The following RPS6KA2 variants were observed in gnomAD, a reference collection of about 807,000 sequenced individuals.
RPS6KA2 encodes the protein ribosomal protein S6 kinase A2.
In RPS6KA2, 42 loss-of-function variants were observed where a neutral mutation model predicts 91.8. The ratio of observed to expected loss-of-function variants is 0.46; its 90% CI spans 0.36 to 0.59. The LOEUF (loss-of-function observed/expected upper bound fraction) is 0.59. Ranked by LOEUF, RPS6KA2 falls within the 20% of genes least tolerant of loss-of-function variation. The probability of loss-of-function intolerance (pLI) is 0.00; values close to 1 mark genes in which losing one functional copy is unlikely to be tolerated. For missense variants in RPS6KA2, 798 were observed against 978.5 expected, an observed-to-expected ratio of 0.82 and a Z score of 2.46; for synonymous variants, 414 against 393.6, an observed-to-expected ratio of 1.05 and a Z score of -0.61.
At chr6:166,607,648 T>G (rs1165295188) in intron 1 of RPS6KA2, among the ~76,000 whole-genome samples, 1 of 152,180 alleles carries the variant, frequency 6.6e-6, no homozygotes, top group Non-Finnish European at 1.5e-5. Context: ...GGTTCTGTTC[T>G]GAAGGACGAA....
At chr6:166,582,424 C>T (rs960444370) in intron 1 of RPS6KA2, among the ~76,000 whole-genome samples, 13 of 152,300 alleles carry the variant, frequency 8.5e-5, no homozygotes, top group African/African-American at 2.6e-4. Context: ...TAACCCATCA[C>T]GCTGACTGTT....
chr6:166,801,896 C>A (rs7754623), intron 2 of RPS6KA2, among the ~76,000 whole-genome samples: 30,462 of 151,786 alleles, frequency 0.2, 4,239 homozygotes, highest in African/African-American at 0.4. Flanking sequence ...GAAGGAAAGT[C>A]TTTAACAGTG....
chr6:166,585,111 C>T (rs796601443), intron 1 of RPS6KA2, among the ~76,000 whole-genome samples: 6 of 152,096 alleles, frequency 3.9e-5, no homozygotes, highest in Admixed American at 1.3e-4. Flanking sequence ...GCAGGAAGCT[C>T]GAGTTTCAAA....
chr6:166,449,866 C>A (rs1172559082), intron 13 of RPS6KA2, among the ~76,000 whole-genome samples: 68 of 69,040 alleles, frequency 9.8e-4, no homozygotes, highest in Middle Eastern at 0.012. Context: ...ACCATGGGAA[C>A]CACCACGCGG....
At chr6:166,853,218 C>T (rs75459240) in intron 2 of RPS6KA2, among the ~76,000 whole-genome samples, 1 of 152,162 alleles carries the variant, frequency 6.6e-6, no homozygotes. Context: ...GCGAGAGGAT[C>T]GTTTGAGTTC....
chr6:166,515,234 C>A (rs1229413656), intron 3 of RPS6KA2, among the ~76,000 whole-genome samples: 2 of 152,128 alleles, frequency 1.3e-5, no homozygotes, highest in Non-Finnish European at 2.9e-5. Context: ...TCAAGACAGT[C>A]CACCAGGTGG....
intron 1 of RPS6KA2, among the ~76,000 whole-genome samples, chr6:166,560,152 C>T (rs1194132373): frequency 6.6e-6 from 1 of 152,202 alleles, no homozygotes; most frequent in Non-Finnish European, 1.5e-5. Flanking sequence ...ACCTACTGCT[C>T]ATAGGCCATG....
At chr6:166,560,395 G>C (rs1784309088) in intron 1 of RPS6KA2, among the ~76,000 whole-genome samples, 1 of 152,186 alleles carries the variant, frequency 6.6e-6, no homozygotes, top group Admixed American at 6.5e-5. Flanking sequence ...AATGAAGGCA[G>C]ACATGAAGAT....
chr6:166,747,646 G>C (rs1487277732), intron 2 of RPS6KA2, among the ~76,000 whole-genome samples: 2 of 152,174 alleles, frequency 1.3e-5, no homozygotes. Flanking sequence ...GGGATACTGA[G>C]TGAGGAAAAC....
intron 2 of RPS6KA2, among the ~76,000 whole-genome samples, chr6:166,692,335 C>G (rs1789231922): frequency 6.6e-6 from 1 of 152,140 alleles, no homozygotes; most frequent in Admixed American, 6.6e-5. Flanking sequence ...AAATCGCCCC[C>G]TACTGAATAT....
At chr6:166,706,474 T>C (rs541921753) in intron 2 of RPS6KA2, among the ~76,000 whole-genome samples, 1 of 152,322 alleles carries the variant, frequency 6.6e-6, no homozygotes, top group East Asian at 1.9e-4. Flanking sequence ...AACCAAGAGT[T>C]GGTGAGCGTG....
chr6:166,657,957 C>T (rs1333658332), intron 2 of RPS6KA2, among the ~76,000 whole-genome samples: 1 of 152,168 alleles, frequency 6.6e-6, no homozygotes, highest in Non-Finnish European at 1.5e-5. Flanking sequence ...GATCTCGGCT[C>T]ACCGCAACTT....
intron 2 of RPS6KA2, among the ~76,000 whole-genome samples, chr6:166,820,766 A>T (rs1294938586): frequency 6.6e-6 from 1 of 152,218 alleles, no homozygotes; most frequent in Non-Finnish European, 1.5e-5. Flanking sequence ...TGCTCATTAC[A>T]TTTTAAACTG....
rs545646300 is a variant in RPS6KA2 at position 166,737,735 on chromosome 6, G to A, written c.123+120465C>T. On this transcript the variant is annotated intron_variant, in intron 2 of 21. Transcript: ENST00000503859. The surrounding 1 kb of genome is among the most constrained non-coding windows in gnomAD (Gnocchi z 4.3). ...TGATGCTATAAAGGACTCTGGTGAC[G>A]GTTCTGAACTTGACAAATGCCGTAC... is the stretch of plus-strand genomic sequence containing the variant. 9.7e-4 allele frequency among the ~76,000 whole-genome samples: 148 copies of A among 152,228 alleles called. No homozygotes were observed. The highest frequency in any genetic ancestry group is 3.4e-3 in the African/African-American group (141 of 41,534).
intron 2 of RPS6KA2, among the ~76,000 whole-genome samples, chr6:166,736,050 A>T (rs2128590697): frequency 1.3e-5 from 2 of 152,376 alleles, no homozygotes; most frequent in East Asian, 3.8e-4. Flanking sequence ...CCCCTCGACC[A>T]ATGCAGAACA....
intron 11 of RPS6KA2, among the ~76,000 whole-genome samples, chr6:166,461,519 AT>A (rs1362304393): frequency 3.7e-4 from 20 of 54,138 alleles, no homozygotes; most frequent in Admixed American, 5.6e-4. Flanking sequence ...AGAGAGAGAG[AT>A]GGGGAGAGAT....
At chr6:166,668,674 T>C (rs1788387127) in intron 2 of RPS6KA2, among the ~76,000 whole-genome samples, 1 of 152,116 alleles carries the variant, frequency 6.6e-6, no homozygotes, top group Admixed American at 6.5e-5. Context: ...TGGGAGCCTC[T>C]CTGAAGAGGC....
intron 1 of RPS6KA2, chr6:166,586,504 G>A: frequency 1.3e-6 from 2 of 1,582,438 alleles, no homozygotes; most frequent in South Asian, 1.1e-5. Context: ...GTTTGAGGCA[G>A]CTGTATTGCT....
intron 2 of RPS6KA2, among the ~76,000 whole-genome samples, chr6:166,646,927 A>T (rs1445707017): frequency 6.6e-6 from 1 of 150,662 alleles, no homozygotes; most frequent in Non-Finnish European, 1.5e-5. Context: ...TTCGGCCGCC[A>T]CTCCTCCCTC....
Sources: gnomAD v4.1 joint callset for allele counts (sites outside exome capture counted in the v4.1 genomes callset) on GRCh38, gnomAD v4.1.1 for gene constraint, Gnocchi (gnomAD v3.1) non-coding constraint, MANE v1.5 for transcripts, NCBI Gene and HGNC (gene_info 2026-07-23, HGNC 2026-07-21) for gene names.